Variants in HMGCLL1 observed in about 807,000 individuals in gnomAD.
HMGCLL1 encodes 3-hydroxy-3-methylglutaryl-CoA lyase like 1.
HMGCLL1 carries 36 observed loss-of-function variants against 39.1 expected under a neutral mutation model. That is an observed-to-expected ratio of 0.92 (90% CI 0.71 to 1.22). The LOEUF (loss-of-function observed/expected upper bound fraction) is 1.22, where lower values mean the gene tolerates loss of function less well. Among genes scored for constraint, HMGCLL1 ranks in the 50% most tolerant of loss-of-function variants. The probability of loss-of-function intolerance (pLI) is 0.00; values close to 1 mark genes in which losing one functional copy is unlikely to be tolerated. For synonymous variants in HMGCLL1, 149 were observed against 144.0 expected (o/e 1.03, Z -0.25); for missense variants, 451 against 416.5 (o/e 1.08, Z -0.72).
At chr6:55,677,297 G>A in the HMGCLL1 span, among the ~76,000 whole-genome samples, 1 of 152,120 alleles carries the variant, frequency 6.6e-6, no homozygotes, top group African/African-American at 2.4e-5. Context: ...GCTGAGGTGG[G>A]AAGACTGCTT....
chr6:55,632,722 T>G, the HMGCLL1 span, among the ~76,000 whole-genome samples: 6 of 152,222 alleles, frequency 3.9e-5, no homozygotes, highest in Non-Finnish European at 7.4e-5. Context: ...ATAATGGATT[T>G]GAGCTCCTGA....
intron 7 of HMGCLL1, among the ~76,000 whole-genome samples, chr6:55,472,494 TAGG>T (rs1164717228): frequency 6.6e-6 from 1 of 151,640 alleles, no homozygotes; most frequent in African/African-American, 2.4e-5. Context: ...CATAGATTAA[TAGG>T]AGTTTTATAT....
intron 7 of HMGCLL1, among the ~76,000 whole-genome samples, chr6:55,456,023 G>A (rs1464801637): frequency 6.6e-6 from 1 of 152,126 alleles, no homozygotes; most frequent in Admixed American, 6.5e-5. Flanking sequence ...CATTCCCTTG[G>A]CATCTGAAGA....
At chr6:55,451,293 C>G (rs1420710700) in intron 7 of HMGCLL1, among the ~76,000 whole-genome samples, 2 of 152,120 alleles carry the variant, frequency 1.3e-5, no homozygotes, top group Admixed American at 1.3e-4. Context: ...GAATTAGGCC[C>G]CATAGTTCTT....
the HMGCLL1 span, among the ~76,000 whole-genome samples, chr6:55,643,799 T>G: frequency 6.6e-6 from 1 of 152,078 alleles, no homozygotes; most frequent in East Asian, 1.9e-4. Flanking sequence ...TGCCTCTTTC[T>G]TATAGCTGAA....
intron 6 of HMGCLL1, 150 bp downstream of exon 6, chr6:55,499,086 A>T (rs1049334960): frequency 5.5e-6 from 3 of 549,906 alleles, no homozygotes; most frequent in African/African-American, 3.9e-5. Flanking sequence ...AAATGAAACT[A>T]TTAGTTAAGT....
the HMGCLL1 span, among the ~76,000 whole-genome samples, chr6:55,678,087 G>C: frequency 6.6e-6 from 1 of 152,116 alleles, no homozygotes; most frequent in African/African-American, 2.4e-5. Flanking sequence ...ATTGTTAATA[G>C]TCAGGAAGCT....
At chr6:55,450,297 G>T (rs1451203628) in intron 7 of HMGCLL1, among the ~76,000 whole-genome samples, 1 of 152,212 alleles carries the variant, frequency 6.6e-6, no homozygotes, top group Non-Finnish European at 1.5e-5. Flanking sequence ...TGGGAGGACA[G>T]GATAGAGCTG....
At chr6:55,529,878 CAATAAATGGGTGAGTG>C (rs899082367) in intron 3 of HMGCLL1, among the ~76,000 whole-genome samples, 1 of 151,896 alleles carries the variant, frequency 6.6e-6, no homozygotes, top group African/African-American at 2.4e-5. Flanking sequence ...ACAATAAAAG[CAATAAATGGGTGAGTG>C]AATAAATGGA....
At chr6:55,645,832 A>T in the HMGCLL1 span, among the ~76,000 whole-genome samples, 2 of 151,826 alleles carry the variant, frequency 1.3e-5, no homozygotes, top group African/African-American at 2.4e-5. Flanking sequence ...ATCAATATTT[A>T]GAGAGATATT....
At chr6:55,575,512 T>C (rs1346046097) in intron 1 of HMGCLL1, among the ~76,000 whole-genome samples, 1 of 152,112 alleles carries the variant, frequency 6.6e-6, no homozygotes, top group Non-Finnish European at 1.5e-5. Flanking sequence ...TGGAATAAGT[T>C]GGTAACAGAA....
upstream of HMGCLL1, among the ~76,000 whole-genome samples, chr6:55,580,406 C>CA (rs1561975445): frequency 1.9e-4 from 14 of 73,274 alleles, 1 homozygote; most frequent in Non-Finnish European, 1.6e-4. Context: ...TTTTTTCTTT[C>CA]TTTTTTTTTT....
intron 7 of HMGCLL1, among the ~76,000 whole-genome samples, chr6:55,458,202 C>T (rs1475308358): frequency 6.6e-6 from 1 of 152,076 alleles, no homozygotes; most frequent in African/African-American, 2.4e-5. Context: ...TTGCTAGTGG[C>T]AAGTATTCAT....
At chr6:55,670,181 G>C in the HMGCLL1 span, among the ~76,000 whole-genome samples, 1 of 151,684 alleles carries the variant, frequency 6.6e-6, no homozygotes, top group African/African-American at 2.4e-5. Flanking sequence ...ATGGAGGTCA[G>C]ACAGGTGTCA....
chr6:55,552,109 A>T (rs938432816), intron 1 of HMGCLL1, among the ~76,000 whole-genome samples: 1 of 152,020 alleles, frequency 6.6e-6, no homozygotes, highest in African/African-American at 2.4e-5. Context: ...TTTTAAAAAA[A>T]TGCAGGGATC....
the HMGCLL1 span, among the ~76,000 whole-genome samples, chr6:55,652,680 A>G: frequency 6.6e-6 from 1 of 152,098 alleles, no homozygotes; most frequent in African/African-American, 2.4e-5. Flanking sequence ...CTTGAAACTC[A>G]TACAGCTCAC....
chr6:55,618,540 G>A, the HMGCLL1 span, among the ~76,000 whole-genome samples: 1 of 152,056 alleles, frequency 6.6e-6, no homozygotes, highest in African/African-American at 2.4e-5. Flanking sequence ...TTAGAAGTTA[G>A]GAACATGAAT....
chr6:55,456,947 C>A (rs1764349950), intron 7 of HMGCLL1, among the ~76,000 whole-genome samples: 1 of 152,190 alleles, frequency 6.6e-6, no homozygotes, highest in Admixed American at 6.5e-5. Context: ...ATCATCAGCA[C>A]CTGAGAAAGA....
chr6:55,650,110 T>TATATATATATATATATACACACATATAC, the HMGCLL1 span, among the ~76,000 whole-genome samples: 47 of 74,506 alleles, frequency 6.3e-4, 4 homozygotes, highest in East Asian at 0.012. Context: ...TATATATATA[T>TATATATATATATATATACACACATATAC]ATATATATAT....
Sources: allele counts gnomAD v4.1 joint callset (sites outside exome capture counted in the v4.1 genomes callset), GRCh38; gene constraint gnomAD v4.1.1; transcripts MANE v1.5; gene names NCBI Gene and HGNC (gene_info 2026-07-23, HGNC 2026-07-21).